Variants in STK33 observed in about 807,000 individuals in gnomAD.
The protein encoded by STK33 is serine/threonine kinase 33.
In STK33, 52 loss-of-function variants were observed where a neutral mutation model predicts 58.0. The ratio of observed to expected loss-of-function variants is 0.90; its 90% CI spans 0.72 to 1.13. The LOEUF (loss-of-function observed/expected upper bound fraction) is 1.13, where lower values mean the gene tolerates loss of function less well. Among genes scored for constraint, STK33 ranks in the 50% most tolerant of loss-of-function variants. The pLI, the probability that STK33 is intolerant of heterozygous loss-of-function variation, is 0.00. For missense variants in STK33, 630 were observed against 604.2 expected, an observed-to-expected ratio of 1.04 and a Z score of -0.45; for synonymous variants, 215 against 200.1, an observed-to-expected ratio of 1.07 and a Z score of -0.63.
intron 1 of STK33, among the ~76,000 whole-genome samples, chr11:8,590,671 A>C (rs958592142): frequency 6.6e-6 from 1 of 151,342 alleles, no homozygotes; most frequent in African/African-American, 2.4e-5. Context: ...TTGTGAGGTT[A>C]GTAATTTCTT....
chr11:8,491,004 T>G (rs1950568666), intron 1 of STK33, among the ~76,000 whole-genome samples: 2 of 152,086 alleles, frequency 1.3e-5, no homozygotes, highest in African/African-American at 2.4e-5. Context: ...ATAGAAAAGC[T>G]GAAAATTCTA....
the STK33 span, among the ~76,000 whole-genome samples, chr11:8,353,796 G>A: frequency 6.6e-6 from 1 of 152,154 alleles, no homozygotes; most frequent in Admixed American, 6.5e-5. Context: ...TGAACTTAAA[G>A]TCTCTCATCT....
chr11:8,395,542 A>G (rs566280432), intron 15 of STK33, among the ~76,000 whole-genome samples: 1 of 152,338 alleles, frequency 6.6e-6, no homozygotes, highest in African/African-American at 2.4e-5. Context: ...TGCTTTTTAT[A>G]CAAATAGTAG....
chr11:8,419,379 T>C (rs1941588806), intron 14 of STK33, among the ~76,000 whole-genome samples: 1 of 152,102 alleles, frequency 6.6e-6, no homozygotes, highest in Non-Finnish European at 1.5e-5. Context: ...TTTGTTGAAG[T>C]TCAGATGGTC....
At chr11:8,559,216 G>A (rs761885413) in intron 1 of STK33, among the ~76,000 whole-genome samples, 1 of 152,130 alleles carries the variant, frequency 6.6e-6, no homozygotes, top group Non-Finnish European at 1.5e-5. Context: ...CTGTCATCAT[G>A]AGCATTATCA....
At chr11:8,523,850 T>A (rs910046845) in intron 1 of STK33, among the ~76,000 whole-genome samples, 1 of 152,222 alleles carries the variant, frequency 6.6e-6, no homozygotes, top group Non-Finnish European at 1.5e-5. Context: ...TGGGCCATGA[T>A]GACGATGGCG....
At chr11:8,373,931 T>C in the STK33 span, among the ~76,000 whole-genome samples, 1 of 152,230 alleles carries the variant, frequency 6.6e-6, no homozygotes, top group Non-Finnish European at 1.5e-5. Flanking sequence ...TTCAGGTGCC[T>C]TCCTGGGCAC....
chr11:8,546,819 T>G (rs1287937119), intron 1 of STK33, among the ~76,000 whole-genome samples: 2 of 152,224 alleles, frequency 1.3e-5, no homozygotes, highest in African/African-American at 4.8e-5. Context: ...CACATTTTCT[T>G]TATCCATTCA....
At chr11:8,384,113 G>A in the STK33 span, among the ~76,000 whole-genome samples, 1 of 152,162 alleles carries the variant, frequency 6.6e-6, no homozygotes, top group Non-Finnish European at 1.5e-5. Context: ...AATAAAGAAA[G>A]TATTTAGAAT....
At chr11:8,494,209 A>G (rs978699335) in intron 1 of STK33, among the ~76,000 whole-genome samples, 3 of 152,258 alleles carry the variant, frequency 2.0e-5, no homozygotes, top group Non-Finnish European at 4.4e-5. Context: ...CCATCGTCTC[A>G]GCCCAAAATC....
chr11:8,487,694 T>A (rs1158654820), intron 1 of STK33, among the ~76,000 whole-genome samples: 17 of 152,012 alleles, frequency 1.1e-4, no homozygotes, highest in Admixed American at 9.8e-4. Context: ...GGCTCAAAAT[T>A]TTCAAATAAG....
intron 1 of STK33, among the ~76,000 whole-genome samples, chr11:8,505,626 A>G (rs1377083293): frequency 2.0e-5 from 3 of 152,184 alleles, no homozygotes; most frequent in East Asian, 1.9e-4. Context: ...CCTCCTACAC[A>G]GCGTTAGTCA....
intron 1 of STK33, among the ~76,000 whole-genome samples, chr11:8,516,443 T>C (rs1284821870): frequency 1.3e-5 from 2 of 152,158 alleles, no homozygotes; most frequent in Non-Finnish European, 2.9e-5. Context: ...ACAAAGAAGA[T>C]GGGTGATTTC....
At chr11:8,562,043 C>T (rs895518451) in intron 1 of STK33, among the ~76,000 whole-genome samples, 6 of 152,172 alleles carry the variant, frequency 3.9e-5, no homozygotes, top group Non-Finnish European at 8.8e-5. Flanking sequence ...GATTGCCTTG[C>T]TTTCCTTAAC....
chr11:8,474,874 G>A lies in STK33; in HGVS notation c.32C>T (p.Thr11Ile). The A allele has an allele frequency of 6.3e-7, 1 of 1,590,728 alleles. No individual in the cohort carries two copies. The highest frequency in any genetic ancestry group is 8.5e-7 in the Non-Finnish European group (1 of 1,169,820). MADSGLDKKS[T>I]KCPDCSSASQ... ...AGCAGATGAACAGTCGGGGCATTTT[G>A]TGGATTTTTTATCTAAGCCACTATC... The change falls in exon 5 of 16, where the codon ACA becomes ATA. Residue 11 changes from threonine (T) to isoleucine (I), a missense_variant. Coordinates refer to ENST00000687296, the MANE Select transcript of STK33 (RefSeq NM_001352389.2).
At chr11:8,581,764 A>G (rs992047331) in intron 1 of STK33, among the ~76,000 whole-genome samples, 1 of 152,266 alleles carries the variant, frequency 6.6e-6, no homozygotes, top group Non-Finnish European at 1.5e-5. Context: ...TAAATGCACT[A>G]AATCTTCTTT....
the STK33 span, among the ~76,000 whole-genome samples, chr11:8,376,829 C>T: frequency 6.6e-6 from 1 of 152,126 alleles, no homozygotes; most frequent in Admixed American, 6.5e-5. Context: ...CATGAGCCAC[C>T]ATGCCCGGCC....
chr11:8,556,254 G>A (rs9735889), intron 1 of STK33, among the ~76,000 whole-genome samples: 12,104 of 152,186 alleles, frequency 0.08, 1,070 homozygotes, highest in African/African-American at 0.22. Flanking sequence ...AGAAAAAAGC[G>A]TCATCAAAGT....
chr11:8,380,992 T>C, the STK33 span, among the ~76,000 whole-genome samples: 1 of 152,220 alleles, frequency 6.6e-6, no homozygotes, highest in Non-Finnish European at 1.5e-5. Context: ...GAGGCCACTA[T>C]TCCAAGTAAA....
Sources: allele counts gnomAD v4.1 joint callset (sites outside exome capture counted in the v4.1 genomes callset), GRCh38; gene constraint gnomAD v4.1.1; transcripts MANE v1.5; gene names NCBI Gene and HGNC (gene_info 2026-07-23, HGNC 2026-07-21).